Variants in CRACD observed in about 807,000 individuals in gnomAD.
CRACD encodes capping protein-inhibiting regulator of actin dynamics.
In CRACD, 56 loss-of-function variants were observed where a neutral mutation model predicts 106.8. The ratio of observed to expected loss-of-function variants is 0.52; its 90% CI spans 0.42 to 0.66. The LOEUF is 0.66. CRACD is among the 30% of genes least tolerant of loss of function. CRACD has a pLI of 0.00. For synonymous variants in CRACD, 754 were observed against 670.8 expected (o/e 1.12, Z -1.92); for missense variants, 1,730 against 1,623.2 (o/e 1.07, Z -1.13).
At chr4:56,232,603 C>A (rs2127195) in intron 2 of CRACD, among the ~76,000 whole-genome samples, 2 of 151,936 alleles carry the variant, frequency 1.3e-5, no homozygotes, top group African/African-American at 4.8e-5. Context: ...TATATAAGGT[C>A]CCCTTTTGCC....
chr4:56,131,845 A>G (rs1311097133), intron 1 of CRACD, among the ~76,000 whole-genome samples: 2 of 152,126 alleles, frequency 1.3e-5, no homozygotes, highest in East Asian at 1.9e-4. Flanking sequence ...GCATTTATAT[A>G]TGTTAAAATA....
intron 1 of CRACD, among the ~76,000 whole-genome samples, chr4:56,057,810 TTTTG>T (rs1560438206): frequency 3.3e-5 from 2 of 60,028 alleles, no homozygotes; most frequent in African/African-American, 2.9e-4. Context: ...TTTTTTTTTT[TTTTG>T]TTTTTTTTTT....
chr4:56,307,825 C>A, intron 5 of CRACD, 126 bp downstream of exon 5: 1 of 849,372 alleles, frequency 1.2e-6, no homozygotes, highest in Non-Finnish European at 1.8e-6. Flanking sequence ...TAGCTCAGGG[C>A]TTGAGGGCAC....
intron 2 of CRACD, among the ~76,000 whole-genome samples, chr4:56,264,831 A>G (rs1741910644): frequency 6.6e-6 from 1 of 152,250 alleles, no homozygotes; most frequent in South Asian, 2.1e-4. Context: ...ACAAATGTCC[A>G]TGAAATCTTC....
chr4:56,204,237 A>T (rs1018143579), intron 2 of CRACD, among the ~76,000 whole-genome samples: 1 of 152,206 alleles, frequency 6.6e-6, no homozygotes, highest in Non-Finnish European at 1.5e-5. Flanking sequence ...GCTAGTAGAG[A>T]TCCATTAGAC....
chr4:56,257,939 G>A (rs895452791), intron 2 of CRACD, among the ~76,000 whole-genome samples: 2 of 151,836 alleles, frequency 1.3e-5, no homozygotes, highest in East Asian at 1.9e-4. Context: ...GCATGGTGGC[G>A]CGTGCCTGTA....
intron 10 of CRACD, among the ~76,000 whole-genome samples, chr4:56,327,023 A>G (rs1001712783): frequency 1.3e-5 from 2 of 152,120 alleles, no homozygotes; most frequent in Non-Finnish European, 2.9e-5. Flanking sequence ...TACAGGCGTG[A>G]TCCACCACGC....
intron 3 of CRACD, among the ~76,000 whole-genome samples, chr4:56,281,053 A>G (rs1365910088): frequency 6.6e-6 from 1 of 152,208 alleles, no homozygotes; most frequent in Non-Finnish European, 1.5e-5. Context: ...TGTCTAGAGA[A>G]AAAGAAGGTT....
At position 56,237,721 on chromosome 4, in the gene CRACD, TACACACACACAC is replaced by T. The variant is rs36207795; in HGVS notation, c.-188-34570_-188-34559del. 1.6e-3 allele frequency among the ~76,000 whole-genome samples: 232 copies of T among 144,406 alleles called. 1 individual carries two copies. Among genetic ancestry groups the T allele is most frequent in the Middle Eastern group, 3.5e-3 (1 of 282 alleles). 94.7% of individuals were successfully genotyped at this position (144,406 alleles called of 152,430 possible). A position where few individuals can be genotyped will look rare whatever the true frequency, so the allele number is the denominator to read the frequency against. On this transcript the variant is annotated intron_variant, in intron 2 of 10. Transcript: ENST00000682029. ...AATTTCTAGGTTAAAAGATATTACA[TACACACACACAC>T]ACACACACACACACACACACACACA...
At chr4:56,191,911 TTC>T (rs1737386520) in intron 2 of CRACD, among the ~76,000 whole-genome samples, 1 of 152,168 alleles carries the variant, frequency 6.6e-6, no homozygotes, top group Non-Finnish European at 1.5e-5. Flanking sequence ...TTAAACTCCC[TTC>T]TCTCAGTCCC....
At position 56,316,591 on chromosome 4, in the gene CRACD, A is replaced by T; in HGVS notation, c.3089A>T (p.Asp1030Val). 2 of 1,613,484 alleles carry T rather than the reference A, an allele frequency of 1.2e-6. No individual in the cohort carries two copies. The highest frequency in any genetic ancestry group is 1.7e-6 in the Non-Finnish European group (2 of 1,179,760). The change falls in exon 8 of 11, where the codon GAC (aspartate) becomes GTC (valine). Residue 1030 changes from aspartate to valine, a missense_variant. Transcript: ENST00000682029. ...GAGGAAAGGAAGGGACAGAAGAGGGACGAGGAGGAAGAGGCGACAGAGAGG... is the reference window on the plus strand; with the variant it reads ...GAGGAAAGGAAGGGACAGAAGAGGGTCGAGGAGGAAGAGGCGACAGAGAGG... Reference protein sequence around the residue: ...GPEERKGQKRDEEEEATERKP... With the variant: ...GPEERKGQKRVEEEEATERKP...
At chr4:56,308,487 A>C (rs1387943390) in intron 5 of CRACD, among the ~76,000 whole-genome samples, 1 of 88,986 alleles carries the variant, frequency 1.1e-5, no homozygotes, top group African/African-American at 3.1e-5. Context: ...AAATGAAAAA[A>C]CAAACAAAAA....
At chr4:56,081,419 C>A (rs1030694481) in intron 1 of CRACD, among the ~76,000 whole-genome samples, 1 of 151,920 alleles carries the variant, frequency 6.6e-6, no homozygotes, top group African/African-American at 2.4e-5. Flanking sequence ...CTAGGAGGTA[C>A]GTATTTAATA....
rs1745480879 is a variant in CRACD, at chr4:56,314,984, A to G, written c.1482A>G (p.Gln494=). Reference sequence around the variant, plus strand: ...GGGACACGGAGCCTCTCCTGAAACAAGAGGGGCCGGTGGAAGCCGCGCAGC... The same window carrying G: ...GGGACACGGAGCCTCTCCTGAAACAGGAGGGGCCGGTGGAAGCCGCGCAGC... ...EEGDTEPLLK[Q]EGPVEAAQPP... The change falls in exon 8 of 11, where the codon CAA becomes CAG. Residue 494 remains glutamine (Q), a synonymous_variant. Transcript: ENST00000682029. The surrounding 1 kb of genome is among the most constrained non-coding windows in gnomAD (Gnocchi z 4.4). 1 of 1,587,176 alleles carries G rather than the reference A, an allele frequency of 6.3e-7. No homozygotes were observed. Among genetic ancestry groups the G allele is most frequent in the Admixed American group, 1.8e-5 (1 of 54,368 alleles).
chr4:56,160,185 ATT>A (rs544168622), intron 1 of CRACD, among the ~76,000 whole-genome samples: 1,326 of 63,180 alleles, frequency 0.021, 20 homozygotes, highest in Middle Eastern at 0.048. Flanking sequence ...CCATATTTTG[ATT>A]TTTTTTTTTT....
At chr4:56,140,118 A>G (rs555527532) in intron 1 of CRACD, among the ~76,000 whole-genome samples, 1 of 152,332 alleles carries the variant, frequency 6.6e-6, no homozygotes, top group South Asian at 2.1e-4. Context: ...TTGGAAATGC[A>G]TGTTTTAACT....
chr4:56,326,417 C>G (rs1746455426), intron 10 of CRACD, among the ~76,000 whole-genome samples: 1 of 152,228 alleles, frequency 6.6e-6, no homozygotes, highest in Non-Finnish European at 1.5e-5. Flanking sequence ...AAATCTTTCT[C>G]TGCCTGATTT....
intron 1 of CRACD, among the ~76,000 whole-genome samples, chr4:56,148,634 T>C (rs1735477997): frequency 6.6e-6 from 1 of 152,214 alleles, no homozygotes; most frequent in Non-Finnish European, 1.5e-5. Flanking sequence ...TGACTAATGA[T>C]GTTGAACAAC....
At chr4:56,207,397 G>A (rs1560483955) in intron 2 of CRACD, among the ~76,000 whole-genome samples, 3 of 152,132 alleles carry the variant, frequency 2.0e-5, no homozygotes, top group Non-Finnish European at 4.4e-5. Context: ...CCTAACATGT[G>A]CTGCCTATCC....
Sources: gnomAD v4.1 joint callset for allele counts (sites outside exome capture counted in the v4.1 genomes callset) on GRCh38, gnomAD v4.1.1 for gene constraint, Gnocchi (gnomAD v3.1) non-coding constraint, MANE v1.5 for transcripts, NCBI Gene and HGNC (gene_info 2026-07-23, HGNC 2026-07-21) for gene names.